ZBBX: variants seen among roughly 807,000 people sequenced by gnomAD.
ZBBX encodes the protein zinc finger B-box domain-containing protein 1.
Under a neutral mutation model 108.5 loss-of-function variants are expected in ZBBX, and 101 were observed. The ratio of observed to expected loss-of-function variants is 0.93; its 90% CI spans 0.79 to 1.10. The LOEUF (loss-of-function observed/expected upper bound fraction) is 1.10, where lower values mean the gene tolerates loss of function less well. Among genes scored for constraint, ZBBX ranks in the 50% least tolerant of loss-of-function variants. The pLI is 0.00. For synonymous variants in ZBBX, 356 were observed against 323.4 expected, an observed-to-expected ratio of 1.10 and a Z score of -1.08; for missense variants, 1,009 against 941.4, an observed-to-expected ratio of 1.07 and a Z score of -0.94.
intron 20 of ZBBX, 74 bp downstream of exon 20, chr3:167,282,164 C>T (rs879049241): frequency 1.2e-5 from 17 of 1,435,916 alleles, no homozygotes; most frequent in East Asian, 4.6e-5. Context: ...GTTTTGTTAG[C>T]GCAAGATATG....
intron 20 of ZBBX, among the ~76,000 whole-genome samples, chr3:167,278,939 G>A (rs1335587747): frequency 6.6e-6 from 1 of 152,092 alleles, no homozygotes; most frequent in African/African-American, 2.4e-5. Context: ...TGCAAGGCTG[G>A]TTCAATATGT....
intron 12 of ZBBX, among the ~76,000 whole-genome samples, chr3:167,318,463 G>T (rs1303583642): frequency 6.6e-6 from 1 of 151,974 alleles, no homozygotes; most frequent in Non-Finnish European, 1.5e-5. Flanking sequence ...GTACCGACTT[G>T]TTGAGTCATT....
At chr3:167,269,846 T>A (rs1726217538) in intron 20 of ZBBX, among the ~76,000 whole-genome samples, 1 of 152,220 alleles carries the variant, frequency 6.6e-6, no homozygotes, top group Non-Finnish European at 1.5e-5. Context: ...AATGGATTAC[T>A]GTAACAGACT....
chr3:167,203,409 T>A, the ZBBX span, among the ~76,000 whole-genome samples: 1 of 152,246 alleles, frequency 6.6e-6, no homozygotes, highest in African/African-American at 2.4e-5. Flanking sequence ...TTTCAACATA[T>A]GAATTTTGAG....
At chr3:167,248,459 TCC>T in intron 20 of ZBBX, 22 of 269,246 alleles carry the variant, frequency 8.2e-5, no homozygotes, top group Admixed American at 1.6e-4. Context: ...TTTTTTTTTT[TCC>T]TCTTCTAAGT....
At chr3:167,264,025 ACTCCTGCT>A (rs912400526) in intron 20 of ZBBX, among the ~76,000 whole-genome samples, 4 of 151,760 alleles carry the variant, frequency 2.6e-5, no homozygotes, top group Non-Finnish European at 5.9e-5. Context: ...AAGTATAGCT[ACTCCTGCT>A]CTTTTTTGGT....
intron 12 of ZBBX, among the ~76,000 whole-genome samples, chr3:167,319,479 A>G (rs1034875579): frequency 6.6e-6 from 1 of 152,026 alleles, no homozygotes; most frequent in African/African-American, 2.4e-5. Flanking sequence ...AAACCCATAG[A>G]ACTGTACACC....
At chr3:167,239,570 C>A (rs1282032360), downstream of ZBBX, among the ~76,000 whole-genome samples, 1 of 151,990 alleles carries the variant, frequency 6.6e-6, no homozygotes. Flanking sequence ...ATTTCCTTTT[C>A]TCTGACTTAC....
the ZBBX span, among the ~76,000 whole-genome samples, chr3:167,221,141 G>T: frequency 3.3e-5 from 5 of 151,978 alleles, no homozygotes; most frequent in Admixed American, 3.3e-4. Context: ...ACTATGTAAA[G>T]CAATCTACAG....
chr3:167,338,055 CA>C (rs1739876689), intron 9 of ZBBX, among the ~76,000 whole-genome samples: 1 of 151,926 alleles, frequency 6.6e-6, no homozygotes, highest in African/African-American at 2.4e-5. Flanking sequence ...AAAATCAAAC[CA>C]AAACAGCCTT....
chr3:167,307,660 C>T (rs1458641074), intron 16 of ZBBX, among the ~76,000 whole-genome samples: 2 of 152,120 alleles, frequency 1.3e-5, no homozygotes, highest in Non-Finnish European at 2.9e-5. Context: ...AAATAGACCA[C>T]ACACCTACAG....
At chr3:167,361,315 T>C (rs918268373) in intron 6 of ZBBX, among the ~76,000 whole-genome samples, 3 of 152,180 alleles carry the variant, frequency 2.0e-5, no homozygotes, top group Admixed American at 6.6e-5. Context: ...AATCATCACT[T>C]AAAATTTTGG....
chr3:167,299,120 T>C (rs182816620), intron 17 of ZBBX, among the ~76,000 whole-genome samples: 11 of 152,188 alleles, frequency 7.2e-5, no homozygotes, highest in Middle Eastern at 3.4e-3. Flanking sequence ...TTTTAAAAAA[T>C]GTGAATCCAG....
intron 20 of ZBBX, among the ~76,000 whole-genome samples, chr3:167,265,515 C>T (rs1725307316): frequency 6.6e-6 from 1 of 152,114 alleles, no homozygotes; most frequent in East Asian, 1.9e-4. Flanking sequence ...GAAGGAGTCA[C>T]TTTTGTTGCT....
At chr3:167,270,274 T>C (rs1210414583) in intron 20 of ZBBX, among the ~76,000 whole-genome samples, 1 of 152,210 alleles carries the variant, frequency 6.6e-6, no homozygotes, top group Non-Finnish European at 1.5e-5. Flanking sequence ...ATCGTGTATT[T>C]ACCCTTGCCT....
At chr3:167,347,271 A>C (rs1260537995) in intron 9 of ZBBX, among the ~76,000 whole-genome samples, 1 of 152,026 alleles carries the variant, frequency 6.6e-6, no homozygotes, top group African/African-American at 2.4e-5. Context: ...ATGCATGTAC[A>C]TGCACATGAC....
intron 11 of ZBBX, 121 bp downstream of exon 11, chr3:167,327,821 G>A (rs1281508211): frequency 6.2e-6 from 6 of 973,390 alleles, no homozygotes; most frequent in African/African-American, 5.1e-5. Context: ...GGCTGAGGCA[G>A]GAGAATTACT....
intron 9 of ZBBX, among the ~76,000 whole-genome samples, chr3:167,334,623 A>C (rs564765882): frequency 2.0e-4 from 30 of 152,050 alleles, no homozygotes; most frequent in Non-Finnish European, 3.5e-4. Flanking sequence ...GAGTTTAAAC[A>C]ACTTGCCCTT....
intron 9 of ZBBX, among the ~76,000 whole-genome samples, chr3:167,348,212 A>G (rs1242770405): frequency 1.9e-5 from 1 of 51,482 alleles, no homozygotes; most frequent in Non-Finnish European, 3.7e-5. Context: ...GAAGGAAGGA[A>G]GGAAGCAAGG....
Sources: allele counts gnomAD v4.1 joint callset (sites outside exome capture counted in the v4.1 genomes callset), GRCh38; gene constraint gnomAD v4.1.1; transcripts MANE v1.5; gene names NCBI Gene and HGNC (gene_info 2026-07-23, HGNC 2026-07-21).